Variants in GCNT2 observed in about 807,000 individuals in gnomAD.
GCNT2 encodes N-acetyllactosaminide beta-1,6-N-acetylglucosaminyl-transferase.
Under a neutral mutation model 34.2 loss-of-function variants are expected in GCNT2, and 34 were observed. The observed-to-expected ratio is 1.00, with a 90% CI of 0.76 to 1.32. GCNT2 has a LOEUF of 1.32. Ranked by LOEUF, GCNT2 falls within the 40% of genes most tolerant of loss-of-function variation. GCNT2 has a pLI of 0.00. For synonymous variants in GCNT2, 212 were observed against 188.0 expected, an observed-to-expected ratio of 1.13 and a Z score of -1.04; for missense variants, 584 against 489.4, an observed-to-expected ratio of 1.19 and a Z score of -1.82.
At chr6:10,522,365 T>C (rs1245419467) in intron 1 of GCNT2, among the ~76,000 whole-genome samples, 1 of 152,232 alleles carries the variant, frequency 6.6e-6, no homozygotes, top group Non-Finnish European at 1.5e-5. Flanking sequence ...GTCTACTAAG[T>C]AAATTCAGGT....
chr6:10,603,933 A>G (rs1348362942), intron 3 of GCNT2, among the ~76,000 whole-genome samples: 1 of 136,146 alleles, frequency 7.3e-6, no homozygotes, highest in Non-Finnish European at 1.6e-5. Context: ...GTCTTGCTCT[A>G]TCACCAGGCT....
chr6:10,528,615 A>T lies in GCNT2; in HGVS notation c.-281-16A>T. On this transcript the variant is annotated splice_polypyrimidine_tract_variant and intron_variant, in intron 2 of 4. Coordinates refer to ENST00000495262, the MANE Select transcript of GCNT2 (RefSeq NM_145649.5). ...CTGGAATCAGAACCTCTCTGAGGAC[A>T]TCTGTTTTTGTGTAGACACAGGTTG... The T allele has an allele frequency of 2.2e-6, 1 of 458,984 alleles. No homozygotes were observed. Among genetic ancestry groups the T allele is most frequent in the Non-Finnish European group, 4.0e-6 (1 of 250,090 alleles). 28.4% of individuals were successfully genotyped at this position (458,984 alleles called of 1,614,324 possible).
intron 1 of GCNT2, among the ~76,000 whole-genome samples, chr6:10,525,062 C>T (rs1238602661): frequency 6.6e-6 from 1 of 152,034 alleles, no homozygotes; most frequent in African/African-American, 2.4e-5. Flanking sequence ...TCATATGGTC[C>T]ATGAATAATT....
chr6:10,573,471 C>T (rs1378102194), intron 3 of GCNT2: 1 of 167,352 alleles, frequency 6.0e-6, no homozygotes, highest in Non-Finnish European at 1.2e-5. Flanking sequence ...CAGTGTGTCC[C>T]TGGAAGAGCA....
rs1491129469 is a variant in GCNT2, at chr6:10,534,139, C to CTTTTTTT, written c.925+4304_925+4305insTTTTTTT. ...CTGGTATCTGCCAGATTCCATGCTGCTCTTTTTTTTTTTTTTTTTTAAGAT... is the reference window on the plus strand; with the variant it reads ...CTGGTATCTGCCAGATTCCATGCTGCTTTTTTTTCTTTTTTTTTTTTTTTTTTAAGAT... On this transcript the variant is annotated intron_variant, in intron 3 of 4. Coordinates refer to ENST00000495262, the MANE Select transcript of GCNT2 (RefSeq NM_145649.5). Among the ~76,000 whole-genome samples the CTTTTTTT allele has an allele frequency of 4.4e-3, 544 of 123,112 alleles. 100 individuals carry two copies. Among genetic ancestry groups the CTTTTTTT allele is most frequent in the South Asian group, 5.8e-3 (18 of 3,128 alleles). 80.8% of individuals were successfully genotyped at this position (123,112 alleles called of 152,430 possible). A position where few individuals can be genotyped will look rare whatever the true frequency, so the allele number is the denominator to read the frequency against.
intron 3 of GCNT2, among the ~76,000 whole-genome samples, chr6:10,583,492 T>C (rs28360560): frequency 0.12 from 18,260 of 152,066 alleles, 1,264 homozygotes; most frequent in Middle Eastern, 0.16. Context: ...CTTGGAAGTG[T>C]CCTTACCGTC....
At chr6:10,588,836 TGTG>T (rs1383436535) in intron 3 of GCNT2, among the ~76,000 whole-genome samples, 1 of 144,000 alleles carries the variant, frequency 6.9e-6, no homozygotes, top group Non-Finnish European at 1.5e-5. Context: ...AGTGTATGTG[TGTG>T]GTGTGTGTGT....
chr6:10,574,497 A>G (rs1763701940), intron 3 of GCNT2, among the ~76,000 whole-genome samples: 1 of 152,184 alleles, frequency 6.6e-6, no homozygotes, highest in South Asian at 2.1e-4. Flanking sequence ...AGGATGCTCA[A>G]CATTATTATT....
intron 3 of GCNT2, chr6:10,586,088 T>C (rs756471998): frequency 1.5e-5 from 24 of 1,613,862 alleles, no homozygotes; most frequent in Non-Finnish European, 1.9e-5. Context: ...CAAAAAGTTA[T>C]GAGAAGCTGA....
At chr6:10,577,685 C>T (rs917848421) in intron 3 of GCNT2, among the ~76,000 whole-genome samples, 1 of 151,994 alleles carries the variant, frequency 6.6e-6, no homozygotes, top group Admixed American at 6.6e-5. Flanking sequence ...GGATTACAGG[C>T]GTCTGCCACC....
intron 1 of GCNT2, among the ~76,000 whole-genome samples, chr6:10,524,323 T>C (rs1329523355): frequency 2.0e-5 from 3 of 150,444 alleles, no homozygotes; most frequent in Non-Finnish European, 4.4e-5. Flanking sequence ...CGATCTCGGC[T>C]CACCGCAACC....
intron 3 of GCNT2, among the ~76,000 whole-genome samples, chr6:10,572,756 A>T (rs1384478586): frequency 6.6e-6 from 1 of 152,124 alleles, no homozygotes; most frequent in East Asian, 1.9e-4. Context: ...AAATAAAAAT[A>T]AAAAATAAAA....
chr6:10,556,963 C>T (rs769030276), intron 3 of GCNT2: 16 of 1,614,016 alleles, frequency 9.9e-6, no homozygotes, highest in Non-Finnish European at 1.3e-5. Flanking sequence ...CCTTCGAGGT[C>T]TCATGGAAGT....
chr6:10,593,795 A>G (rs1286041240), intron 3 of GCNT2, among the ~76,000 whole-genome samples: 1 of 152,204 alleles, frequency 6.6e-6, no homozygotes, highest in Non-Finnish European at 1.5e-5. Context: ...ATCTCTTGAA[A>G]ATACATATCT....
At chr6:10,587,699 G>A (rs1202462616) in intron 3 of GCNT2, among the ~76,000 whole-genome samples, 5 of 152,240 alleles carry the variant, frequency 3.3e-5, no homozygotes, top group African/African-American at 1.2e-4. Flanking sequence ...TGAGGCAGAA[G>A]ATAGCACCAA....
chr6:10,596,611 G>T (rs1015553817), intron 3 of GCNT2, among the ~76,000 whole-genome samples: 1 of 151,996 alleles, frequency 6.6e-6, no homozygotes, highest in Non-Finnish European at 1.5e-5. Flanking sequence ...AGATTGGTTA[G>T]TGGGGTACAC....
At chr6:10,575,357 C>CT (rs1561811284) in intron 3 of GCNT2, 5 of 156,728 alleles carry the variant, frequency 3.2e-5, no homozygotes, top group East Asian at 1.9e-4. Context: ...GCTGGGTTGA[C>CT]ATTTTTTTTT....
chr6:10,538,571 A>G (rs1036563149), intron 3 of GCNT2, among the ~76,000 whole-genome samples: 1 of 151,564 alleles, frequency 6.6e-6, no homozygotes, highest in African/African-American at 2.4e-5. Flanking sequence ...TTATGGAATA[A>G]CAGGCTTAGT....
chr6:10,606,018 GT>G (rs1007795291), intron 3 of GCNT2, among the ~76,000 whole-genome samples: 2 of 152,070 alleles, frequency 1.3e-5, no homozygotes, highest in African/African-American at 4.8e-5. Context: ...GTCAACAAAT[GT>G]TTTTTAAGTC....
Sources: allele counts gnomAD v4.1 joint callset (sites outside exome capture counted in the v4.1 genomes callset), GRCh38; gene constraint gnomAD v4.1.1; transcripts MANE v1.5; gene names NCBI Gene and HGNC (gene_info 2026-07-23, HGNC 2026-07-21).